The following SESN1 variants were observed in gnomAD, a reference collection of about 807,000 sequenced individuals.
The protein encoded by SESN1 is sestrin-1.
SESN1 carries 30 observed loss-of-function variants against 59.3 expected under a neutral mutation model. That is an observed-to-expected ratio of 0.51 (90% CI 0.38 to 0.69). SESN1 has a LOEUF of 0.69. Among genes scored for constraint, SESN1 ranks in the 30% least tolerant of loss-of-function variants. The probability of loss-of-function intolerance (pLI) is 0.00; values close to 1 mark genes in which losing one functional copy is unlikely to be tolerated. For missense variants in SESN1, 566 were observed against 673.0 expected (o/e 0.84, Z 1.76); for synonymous variants, 197 against 219.9 (o/e 0.90, Z 0.92).
intron 1 of SESN1, among the ~76,000 whole-genome samples, chr6:109,031,018 A>G (rs1780174303): frequency 1.3e-5 from 2 of 152,230 alleles, no homozygotes; most frequent in South Asian, 4.1e-4. Flanking sequence ...ACAATTAGAG[A>G]ACAATTCTAG....
intron 1 of SESN1, among the ~76,000 whole-genome samples, chr6:109,035,230 T>C (rs1174166268): frequency 6.6e-6 from 1 of 152,108 alleles, no homozygotes; most frequent in Non-Finnish European, 1.5e-5. Flanking sequence ...CAAAACAGCA[T>C]TCATTTGTTC....
At chr6:109,029,650 C>G (rs774904978) in intron 1 of SESN1, among the ~76,000 whole-genome samples, 34 of 152,144 alleles carry the variant, frequency 2.2e-4, no homozygotes, top group Non-Finnish European at 4.4e-4. Flanking sequence ...ATCCTCCTGT[C>G]TTAGCCTCCC....
At chr6:109,089,565 T>A (rs1191528196) in intron 1 of SESN1, among the ~76,000 whole-genome samples, 5 of 152,142 alleles carry the variant, frequency 3.3e-5, no homozygotes, top group Admixed American at 1.3e-4. Context: ...TAGGAGCTAT[T>A]TCTACTTGGA....
chr6:109,057,284 C>T (rs1385910870), intron 1 of SESN1, among the ~76,000 whole-genome samples: 1 of 152,154 alleles, frequency 6.6e-6, no homozygotes, highest in Admixed American at 6.5e-5. Context: ...TGTTACACAA[C>T]AATAGATGCC....
chr6:109,071,041 C>A (rs1264062629), intron 1 of SESN1, among the ~76,000 whole-genome samples: 1 of 152,188 alleles, frequency 6.6e-6, no homozygotes, highest in Non-Finnish European at 1.5e-5. Context: ...TCAGTCCACA[C>A]AGATGGGAGA....
intron 4 of SESN1, among the ~76,000 whole-genome samples, chr6:108,999,767 T>C (rs1402488570): frequency 6.6e-6 from 1 of 152,156 alleles, no homozygotes; most frequent in African/African-American, 2.4e-5. Flanking sequence ...ATCGCACACC[T>C]AATTATTTAT....
chr6:109,077,083 A>T (rs1391262158), intron 1 of SESN1, among the ~76,000 whole-genome samples: 1 of 152,216 alleles, frequency 6.6e-6, no homozygotes, highest in African/African-American at 2.4e-5. Context: ...GTATCTAAAC[A>T]TATCTAAACA....
rs181405931 is a variant in SESN1, at chr6:109,088,916, T to C, written c.279+4879A>G. Among the ~76,000 whole-genome samples the C allele has an allele frequency of 1.2e-3, 186 of 152,342 alleles. 2 individuals carry two copies. The highest frequency in any genetic ancestry group is 4.2e-3 in the African/African-American group (174 of 41,572). Reference sequence around the variant, plus strand: ...CTTCTTCAAAAGCAGGAAACAAGTCTTACTGATCTTCAAGTCCTAAGTACA... The same window carrying C: ...CTTCTTCAAAAGCAGGAAACAAGTCCTACTGATCTTCAAGTCCTAAGTACA... On this transcript the variant is annotated intron_variant, in intron 1 of 9. Transcript: ENST00000436639.
intron 1 of SESN1, among the ~76,000 whole-genome samples, chr6:109,016,520 G>A (rs12525751): frequency 0.17 from 25,655 of 152,056 alleles, 2,585 homozygotes; most frequent in Non-Finnish European, 0.23. Flanking sequence ...ACAAGTACAA[G>A]GCCAAATCTG....
In SESN1 at chr6:109,001,440, C is replaced by T; in HGVS notation, c.394G>A (p.Asp132Asn). The T allele has an allele frequency of 6.2e-7, 1 of 1,613,810 alleles. No individual in the cohort carries two copies. Among genetic ancestry groups the T allele is most frequent in the South Asian group, 1.1e-5 (1 of 91,062 alleles). The change falls in exon 3 of 10, where the codon GAT becomes AAT. Residue 132 changes from aspartate to asparagine, a missense_variant. By Grantham distance (23) the Asp-to-Asn change is conservative. Coordinates refer to ENST00000436639, the MANE Select transcript of SESN1 (RefSeq NM_014454.3). Reference protein sequence around the residue: ...EDAQMHALFADSFAALGRLDN... With the variant: ...EDAQMHALFANSFAALGRLDN... ...AAACGGCCCAAAGCAGCAAAAGAAT[C>T]TGCAAATAAAGCATGCATCTGTGCG...
chr6:109,004,014 T>C (rs146367219), intron 1 of SESN1, among the ~76,000 whole-genome samples: 1,932 of 152,300 alleles, frequency 0.013, 17 homozygotes, highest in Non-Finnish European at 0.021. Flanking sequence ...GACTTTAGTA[T>C]ACGAAAAGGT....
At chr6:109,042,918 C>T (rs937561344) in intron 1 of SESN1, among the ~76,000 whole-genome samples, 3 of 151,940 alleles carry the variant, frequency 2.0e-5, no homozygotes, top group Admixed American at 6.6e-5. Flanking sequence ...AAAATACAGC[C>T]TCATGAAAAT....
At chr6:109,092,845 C>T (rs1320852367) in intron 1 of SESN1, among the ~76,000 whole-genome samples, 1 of 152,100 alleles carries the variant, frequency 6.6e-6, no homozygotes, top group Non-Finnish European at 1.5e-5. Context: ...ATAGAGTCTT[C>T]ATTTTGTGGA....
rs1182474305 is a variant in SESN1 at position 108,986,963 on chromosome 6, A to T, written c.*581T>A. On this transcript the variant is annotated 3_prime_UTR_variant, in exon 10 of 10. Transcript: ENST00000436639. ...GTTACCATCAAAATGGTTGTTGCTG[A>T]GCTGTGTGAGTAGGAATTCTATGCT... is the stretch of plus-strand genomic sequence containing the variant. 1.3e-5 allele frequency: 2 copies of T among 152,690 alleles called. No individual in the cohort carries two copies. Among genetic ancestry groups the T allele is most frequent in the African/African-American group, 2.4e-5 (1 of 41,472 alleles). The allele number at this position is 152,690 out of a possible 1,614,324, so 9.5% of individuals were successfully genotyped here.
At chr6:109,016,310 A>G (rs776046105) in intron 1 of SESN1, among the ~76,000 whole-genome samples, 4 of 152,164 alleles carry the variant, frequency 2.6e-5, no homozygotes, top group Non-Finnish European at 5.9e-5. Flanking sequence ...TCCCCACCCT[A>G]TGATTATTAC....
At chr6:109,058,008 C>A (rs1216724879) in intron 1 of SESN1, among the ~76,000 whole-genome samples, 1 of 151,944 alleles carries the variant, frequency 6.6e-6, no homozygotes, top group Non-Finnish European at 1.5e-5. Context: ...ACTGCATATA[C>A]AACAGGGTCC....
At chr6:109,066,390 CTT>C (rs1780827007) in intron 1 of SESN1, among the ~76,000 whole-genome samples, 1 of 148,452 alleles carries the variant, frequency 6.7e-6, no homozygotes, top group African/African-American at 2.5e-5. Context: ...TATTATTTCT[CTT>C]TGTCTCCCTG....
At chr6:109,055,777 G>T (rs1780622367) in intron 1 of SESN1, among the ~76,000 whole-genome samples, 1 of 151,342 alleles carries the variant, frequency 6.6e-6, no homozygotes, top group African/African-American at 2.4e-5. Flanking sequence ...AAGTAAAATA[G>T]TGCCTAACAG....
intron 7 of SESN1, among the ~76,000 whole-genome samples, 176 bp from the exon 8 acceptor site, chr6:108,991,011 A>G (rs902124628): frequency 2.0e-5 from 3 of 151,984 alleles, no homozygotes; most frequent in Admixed American, 6.6e-5. Flanking sequence ...ATACTGCAAC[A>G]TGCAAAAGGT....
Sources: gnomAD v4.1 joint callset for allele counts (sites outside exome capture counted in the v4.1 genomes callset) on GRCh38, gnomAD v4.1.1 for gene constraint, MANE v1.5 for transcripts, NCBI Gene and HGNC (gene_info 2026-07-23, HGNC 2026-07-21) for gene names.